The following PLCG1 variants were observed in gnomAD, a reference collection of about 807,000 sequenced individuals.
PLCG1 encodes phospholipase C gamma 1.
In PLCG1, 71 loss-of-function variants were observed where a neutral mutation model predicts 177.8. The observed-to-expected ratio is 0.40, with a 90% CI of 0.33 to 0.49. The LOEUF is 0.49. Among genes scored for constraint, PLCG1 ranks in the 20% least tolerant of loss-of-function variants. The pLI is 0.72. For synonymous variants in PLCG1, 658 were observed against 647.9 expected, an observed-to-expected ratio of 1.02 and a Z score of -0.24; for missense variants, 1,281 against 1,709.0, an observed-to-expected ratio of 0.75 and a Z score of 4.42.
Position 41,167,811 on chromosome 20 carries a change from G to C in PLCG1, c.2302-41G>C, listed in dbSNP as rs1176096749. On this transcript the variant is annotated intron_variant, in intron 19 of 31. Transcript: ENST00000685551. This position sits in a 1 kb window ranked among gnomAD's most constrained non-coding sequence, Gnocchi z 4.4. The stretch of plus-strand genomic sequence containing the variant: ...ACCAGTAGCTGCTTTCTACCTCTGG[G>C]CTCTGGGGCATTAACATATCCCATT... 2.1e-6 allele frequency: 3 copies of C among 1,407,670 alleles called. No homozygotes were observed. In the South Asian group the frequency reaches 3.5e-5, roughly 16 times the overall value. 87.2% of individuals were successfully genotyped at this position (1,407,670 alleles called of 1,614,324 possible).
Position 41,150,431 on chromosome 20 carries a change from G to T in PLCG1, c.218-9175G>T, listed in dbSNP as rs2035130172. On this transcript the variant is annotated intron_variant, in intron 1 of 31. Coordinates refer to ENST00000685551, the MANE Select transcript of PLCG1 (RefSeq NM_002660.3). The surrounding 1 kb of genome is among the most constrained non-coding windows in gnomAD (Gnocchi z 4.0). The stretch of plus-strand genomic sequence containing the variant: ...AGGTCCTGGGCATCCCTGAGACATG[G>T]CCCTGGTGGGTCCCCAGTCTCTCTC... 1.3e-5 allele frequency among the ~76,000 whole-genome samples: 2 copies of T among 152,164 alleles called. No homozygotes were observed. Among genetic ancestry groups the T allele is most frequent in the Admixed American group, 1.3e-4 (2 of 15,282 alleles).
At chr20:41,140,100 G>A (rs1420489750) in intron 1 of PLCG1, among the ~76,000 whole-genome samples, 1 of 152,148 alleles carries the variant, frequency 6.6e-6, no homozygotes, top group Non-Finnish European at 1.5e-5. Context: ...CCCTACCCAG[G>A]GGTGAGCAGG....
rs2035853496 is a variant in PLCG1 at position 41,170,308 on chromosome 20, G to A, written c.2808+39G>A. 4 of 1,611,372 alleles carry A rather than the reference G, an allele frequency of 2.5e-6. No individual in the cohort carries two copies. In the East Asian group the frequency reaches 8.9e-5, roughly 36 times the overall value. On this transcript the variant is annotated intron_variant, in intron 24 of 31. Coordinates refer to ENST00000685551, the MANE Select transcript of PLCG1 (RefSeq NM_002660.3). ...GGAACCTTCTGGGGGGCAGTGTGTGGGCCCGTCAGGCAGCTGAGGCCTCCA... is the reference window on the plus strand; with the variant it reads ...GGAACCTTCTGGGGGGCAGTGTGTGAGCCCGTCAGGCAGCTGAGGCCTCCA...
rs1302111759 is a variant in PLCG1, at chr20:41,144,409, C to G, written c.217+6551C>G. 3.9e-5 allele frequency among the ~76,000 whole-genome samples: 6 copies of G among 152,234 alleles called. No homozygotes were observed. The highest frequency in any genetic ancestry group is 3.9e-4 in the Admixed American group (6 of 15,290). ...ACCAGCCTAGACTTCCATCTGTGGACAAGCTGGACTCATTGCCTCAATTTC... is the reference window on the plus strand; with the variant it reads ...ACCAGCCTAGACTTCCATCTGTGGAGAAGCTGGACTCATTGCCTCAATTTC... On this transcript the variant is annotated intron_variant, in intron 1 of 31. Coordinates refer to ENST00000685551, the MANE Select transcript of PLCG1 (RefSeq NM_002660.3). The surrounding 1 kb of genome is among the most constrained non-coding windows in gnomAD (Gnocchi z 4.1).
rs577293142 is a variant in PLCG1, at chr20:41,155,212, AGCAG to A, written c.218-4390_218-4387del. Among the ~76,000 whole-genome samples, 3 of 152,244 alleles carry A rather than the reference AGCAG, an allele frequency of 2.0e-5. No homozygotes were observed. In the South Asian group the frequency reaches 6.2e-4, roughly 32 times the overall value. On this transcript the variant is annotated intron_variant, in intron 1 of 31. Transcript: ENST00000685551. ...TTAGAGCTGGCCCCAGGTGCCAGGCAGCAGGCACATTTCCTTCTGCCCAAAAAAC... is the reference window on the plus strand; with the variant it reads ...TTAGAGCTGGCCCCAGGTGCCAGGCAGCACATTTCCTTCTGCCCAAAAAAC...
intron 20 of PLCG1, among the ~76,000 whole-genome samples, chr20:41,168,388 A>G (rs1372528182): frequency 1.3e-5 from 2 of 152,216 alleles, no homozygotes; most frequent in African/African-American, 2.4e-5. Flanking sequence ...GTAGGGTCCC[A>G]TCCAGGCCCC....
rs201010219 is a variant in PLCG1, at chr20:41,170,301, G to C, written c.2808+32G>C. The stretch of plus-strand genomic sequence containing the variant: ...TTCTGCTGGAACCTTCTGGGGGGCA[G>C]TGTGTGGGCCCGTCAGGCAGCTGAG... On this transcript the variant is annotated intron_variant, in intron 24 of 31. Transcript: ENST00000685551. 3 of 1,613,090 alleles carry C rather than the reference G, an allele frequency of 1.9e-6. No individual in the cohort carries two copies. In the African/African-American group the frequency reaches 4.0e-5, roughly 21 times the overall value.
In PLCG1 at chr20:41,173,110, TC is replaced by T. The variant is rs1218452283; in HGVS notation, c.3279+234del. ...GATGACTTGTTTTGTTCTGATGAGATCTTTTTTTTCCCTAAGGGGAGGTCAT... is the reference window on the plus strand; with the variant it reads ...GATGACTTGTTTTGTTCTGATGAGATTTTTTTTTCCCTAAGGGGAGGTCAT... On this transcript the variant is annotated intron_variant, in intron 27 of 31. Coordinates refer to ENST00000685551, the MANE Select transcript of PLCG1 (RefSeq NM_002660.3). This position sits in a 1 kb window ranked among gnomAD's most constrained non-coding sequence, Gnocchi z 6.2. 6.6e-6 allele frequency among the ~76,000 whole-genome samples: 1 copy of T among 152,170 alleles called. No individual in the cohort carries two copies. Among genetic ancestry groups the T allele is most frequent in the Non-Finnish European group, 1.5e-5 (1 of 68,026 alleles).
rs1568747235 is a variant in PLCG1, at chr20:41,165,120, T to C, written c.1386+19T>C. On this transcript the variant is annotated intron_variant, in intron 13 of 31. Coordinates refer to ENST00000685551, the MANE Select transcript of PLCG1 (RefSeq NM_002660.3). The surrounding 1 kb of genome is among the most constrained non-coding windows in gnomAD (Gnocchi z 6.6). ...CATCAAGGTGGGGTGGCGGGCTTAT[T>C]GCGGAAGCCCCACACTTCTCAGTGC... The C allele has an allele frequency of 1.2e-6, 2 of 1,608,172 alleles. No homozygotes were observed. Among genetic ancestry groups the C allele is most frequent in the South Asian group, 1.1e-5 (1 of 90,370 alleles).
rs893258275 is a variant in PLCG1 at position 41,151,357 on chromosome 20, G to C, written c.218-8249G>C. 6.6e-5 allele frequency among the ~76,000 whole-genome samples: 10 copies of C among 152,196 alleles called. No individual in the cohort carries two copies. The highest frequency in any genetic ancestry group is 1.9e-4 in the African/African-American group (8 of 41,456). On this transcript the variant is annotated intron_variant, in intron 1 of 31. Coordinates refer to ENST00000685551, the MANE Select transcript of PLCG1 (RefSeq NM_002660.3). The surrounding 1 kb of genome is among the most constrained non-coding windows in gnomAD (Gnocchi z 5.5). ...CTCTGTTTCCTCATTGTTTCAAAGA[G>C]ATTTGTCTAGAATCTAGACCAAGCT...
chr20:41,139,781 G>GT (rs1164576580), intron 1 of PLCG1, among the ~76,000 whole-genome samples: 1 of 152,180 alleles, frequency 6.6e-6, no homozygotes, highest in African/African-American at 2.4e-5. Flanking sequence ...GTGGCTATAG[G>GT]TGAGGATGAA....
chr20:41,151,091 C>G lies in PLCG1; in HGVS notation c.218-8515C>G, dbSNP rs34873577. The stretch of plus-strand genomic sequence containing the variant: ...GAGTGCTCTTCCAGCTTTAATTTCT[C>G]TGGGTGGGACCTCCTTTCCCTTCCT... On this transcript the variant is annotated intron_variant, in intron 1 of 31. Coordinates refer to ENST00000685551, the MANE Select transcript of PLCG1 (RefSeq NM_002660.3). The surrounding 1 kb of genome is among the most constrained non-coding windows in gnomAD (Gnocchi z 5.5). Among the ~76,000 whole-genome samples, 912 of 152,344 alleles carry G rather than the reference C, an allele frequency of 6.0e-3. 7 individuals are homozygous for G. The highest frequency in any genetic ancestry group is 0.018 in the South Asian group (88 of 4,830).
chr20:41,162,118 G>A (rs938211985), intron 4 of PLCG1, among the ~76,000 whole-genome samples: 6 of 152,270 alleles, frequency 3.9e-5, no homozygotes, highest in East Asian at 1.9e-4. Context: ...CAGCAGTGCC[G>A]GTAGGAGGGG....
In PLCG1 at chr20:41,159,823, G is replaced by A. The variant is rs1440433076; in HGVS notation, c.371-47G>A. On this transcript the variant is annotated intron_variant, in intron 2 of 31. Coordinates refer to ENST00000685551, the MANE Select transcript of PLCG1 (RefSeq NM_002660.3). This position sits in a 1 kb window ranked among gnomAD's most constrained non-coding sequence, Gnocchi z 6.0. ...GGGAATGCCTGCTGGCTCCTGCCCAGTGGGAGGTATGTGCCCTCGGGGCAG... is the reference window on the plus strand; with the variant it reads ...GGGAATGCCTGCTGGCTCCTGCCCAATGGGAGGTATGTGCCCTCGGGGCAG... 1 of 1,613,160 alleles carries A rather than the reference G, an allele frequency of 6.2e-7. No homozygotes were observed. The highest frequency in any genetic ancestry group is 1.1e-5 in the South Asian group (1 of 91,068).
At chr20:41,142,949 G>T (rs1242476098) in intron 1 of PLCG1, among the ~76,000 whole-genome samples, 1 of 152,094 alleles carries the variant, frequency 6.6e-6, no homozygotes, top group African/African-American at 2.4e-5. Flanking sequence ...TAAGGGGCTG[G>T]TGCCTGGCCA....
chr20:41,169,148 C>T lies in PLCG1; in HGVS notation c.2553C>T (p.Asn851=), dbSNP rs34012203. ...FPSNYVEEMV[N]PVALEPEREH... ...CAAACTACGTGGAAGAGATGGTCAA[C>T]CCCGTGGCCCTGGAGCCGGAGAGGG... Residue 851 remains asparagine (N), a synonymous_variant, in exon 22 of 32, where the codon AAC becomes AAT. Coordinates refer to ENST00000685551, the MANE Select transcript of PLCG1 (RefSeq NM_002660.3). The T allele has an allele frequency of 5.2e-3, 8,380 of 1,613,556 alleles. 31 individuals carry two copies. The highest frequency in any genetic ancestry group is 6.4e-3 in the Non-Finnish European group (7,492 of 1,179,434).
At chr20:41,171,649 G>A (rs1223048683) in intron 24 of PLCG1, among the ~76,000 whole-genome samples, 1 of 151,746 alleles carries the variant, frequency 6.6e-6, no homozygotes, top group African/African-American at 2.4e-5. Context: ...ATGGGTTGGG[G>A]TGCTTGTAAG....
chr20:41,165,198 G>A lies in PLCG1; in HGVS notation c.1387-47G>A, dbSNP rs1388001428. On this transcript the variant is annotated intron_variant, in intron 13 of 31. Transcript: ENST00000685551. The surrounding 1 kb of genome is among the most constrained non-coding windows in gnomAD (Gnocchi z 6.6). Reference sequence around the variant, plus strand: ...GGGCCTAAACCTGGGTGAGGAGGTGGGGTGAGGACTGGGGTCTGCATTGCC... The same window carrying A: ...GGGCCTAAACCTGGGTGAGGAGGTGAGGTGAGGACTGGGGTCTGCATTGCC... 2 of 1,609,602 alleles carry A rather than the reference G, an allele frequency of 1.2e-6. No homozygotes were observed. The highest frequency in any genetic ancestry group is 3.3e-5 in the Admixed American group (2 of 59,852).
chr20:41,173,611 C>T lies in PLCG1; in HGVS notation c.3395-41C>T. 6.2e-7 allele frequency: 1 copy of T among 1,614,142 alleles called. No individual in the cohort carries two copies. Among genetic ancestry groups the T allele is most frequent in the Non-Finnish European group, 8.5e-7 (1 of 1,180,004 alleles). ...CTCTCCCCACCAGTCATCCCATCCTCTCCCACGGTGACCTGAAGCCTTTTG... is the reference window on the plus strand; with the variant it reads ...CTCTCCCCACCAGTCATCCCATCCTTTCCCACGGTGACCTGAAGCCTTTTG... On this transcript the variant is annotated intron_variant, in intron 28 of 31. Transcript: ENST00000685551. This position sits in a 1 kb window ranked among gnomAD's most constrained non-coding sequence, Gnocchi z 6.2.
Sources: gnomAD v4.1 joint callset for allele counts (sites outside exome capture counted in the v4.1 genomes callset) on GRCh38, gnomAD v4.1.1 for gene constraint, Gnocchi (gnomAD v3.1) non-coding constraint, MANE v1.5 for transcripts, NCBI Gene and HGNC (gene_info 2026-07-23, HGNC 2026-07-21) for gene names.